The following EFHC2 variants were observed in gnomAD, a reference collection of about 807,000 sequenced individuals.
EFHC2 encodes the protein EF-hand domain-containing family member C2.
A neutral mutation model predicts 52.7 loss-of-function variants in EFHC2; 18 were observed. That is an observed-to-expected ratio of 0.34 (90% CI 0.24 to 0.51). EFHC2 has a LOEUF of 0.51. Among genes scored for constraint, EFHC2 ranks in the 20% least tolerant of loss-of-function variants. EFHC2 has a pLI of 0.97. For synonymous variants in EFHC2, 203 were observed against 204.1 expected, an observed-to-expected ratio of 0.99 and a Z score of 0.04; for missense variants, 513 against 562.5, an observed-to-expected ratio of 0.91 and a Z score of 0.89.
chrX:44,253,856 C>T (rs2037472325), intron 4 of EFHC2, among the ~76,000 whole-genome samples: 1 of 112,297 alleles, frequency 8.9e-6, no homozygotes, highest in African/African-American at 3.2e-5. Context: ...GTTGACACCT[C>T]TTAAAGGAGA....
At chrX:44,257,893 G>A (rs1321597760) in intron 4 of EFHC2, among the ~76,000 whole-genome samples, 1 of 111,967 alleles carries the variant, frequency 8.9e-6, no homozygotes, top group Admixed American at 9.5e-5. Flanking sequence ...TATACTACAA[G>A]TTTACAGTAA....
At chrX:44,177,733 A>T (rs898869554) in intron 12 of EFHC2, among the ~76,000 whole-genome samples, 1 of 111,488 alleles carries the variant, frequency 9.0e-6, no homozygotes, top group Admixed American at 9.6e-5. Context: ...TCTATTTATT[A>T]TAAAAGTTAC....
intron 1 of EFHC2, among the ~76,000 whole-genome samples, chrX:44,321,867 G>A (rs1395680437): frequency 1.8e-5 from 2 of 111,361 alleles, no homozygotes; most frequent in Non-Finnish European, 3.8e-5. Flanking sequence ...TGAGTTTCTA[G>A]TATTTATAAT....
At chrX:44,321,740 G>C (rs188833441) in intron 1 of EFHC2, among the ~76,000 whole-genome samples, 27 of 111,735 alleles carry the variant, frequency 2.4e-4, no homozygotes, top group African/African-American at 7.2e-4. Context: ...TGGCAACATG[G>C]AGGTGGCTGG....
At position 44,314,068 on chromosome X, in the gene EFHC2, G is replaced by A. The variant is rs191249412; in HGVS notation, c.43-1312C>T. 2.9e-4 allele frequency among the ~76,000 whole-genome samples: 33 copies of A among 111,966 alleles called. No individual in the cohort carries two copies. The East Asian group carries it at 8.2e-3, about 28-fold the overall frequency. On this transcript the variant is annotated intron_variant, in intron 1 of 14. Coordinates refer to ENST00000420999, the MANE Select transcript of EFHC2 (RefSeq NM_025184.4). Reference sequence around the variant, plus strand: ...ACATATGTAAAGCTGGAAAATACTCGAAAAATACGGTAATATTTATGGATA... The same window carrying A: ...ACATATGTAAAGCTGGAAAATACTCAAAAAATACGGTAATATTTATGGATA...
intron 11 of EFHC2, among the ~76,000 whole-genome samples, chrX:44,189,419 T>C (rs768686143): frequency 4.7e-4 from 53 of 112,265 alleles, no homozygotes; most frequent in African/African-American, 7.8e-4. Context: ...TCAGGATTCA[T>C]AGAATGATTA....
At chrX:44,293,142 A>G (rs1338354925) in intron 2 of EFHC2, among the ~76,000 whole-genome samples, 2 of 109,589 alleles carry the variant, frequency 1.8e-5, no homozygotes, top group Non-Finnish European at 3.8e-5. Context: ...ATGCCCAGCT[A>G]ATTTATACAC....
At chrX:44,312,788 A>G in intron 1 of EFHC2, 32 bp from the exon 2 acceptor site, 4 of 1,130,613 alleles carry the variant, frequency 3.5e-6, no homozygotes, top group Non-Finnish European at 4.7e-6. Flanking sequence ...TAAAATAGCC[A>G]AAGTTACTCT....
At position 44,164,202 on chromosome X, in the gene EFHC2, G is replaced by A. The variant is rs1220175125; in HGVS notation, c.2043-175C>T. ...ACCCTCCAGAATGTAAATTCTTTGAGCGGGGATCTTGCCTATCTAATTCAT... is the reference window on the plus strand; with the variant it reads ...ACCCTCCAGAATGTAAATTCTTTGAACGGGGATCTTGCCTATCTAATTCAT... On this transcript the variant is annotated intron_variant, in intron 13 of 14. Transcript: ENST00000420999. Among the ~76,000 whole-genome samples the A allele has an allele frequency of 3.6e-5, 4 of 111,732 alleles. No individual in the cohort carries two copies. The East Asian group carries it at 1.1e-3, about 31-fold the overall frequency.
At chrX:44,307,298 T>C (rs747542643) in intron 2 of EFHC2, among the ~76,000 whole-genome samples, 11 of 112,207 alleles carry the variant, frequency 9.8e-5, no homozygotes, top group Non-Finnish European at 1.7e-4. Flanking sequence ...ATGCTAGATA[T>C]ATTGCTAGGA....
At chrX:44,246,111 C>T (rs1023617188) in intron 7 of EFHC2, among the ~76,000 whole-genome samples, 2 of 112,011 alleles carry the variant, frequency 1.8e-5, no homozygotes, top group South Asian at 3.7e-4. Flanking sequence ...CAAAACATAA[C>T]GCATGTAATT....
intron 1 of EFHC2, among the ~76,000 whole-genome samples, chrX:44,317,048 T>A (rs1170872471): frequency 4.5e-5 from 5 of 112,038 alleles, no homozygotes; most frequent in African/African-American, 1.6e-4. Flanking sequence ...AAATGAAAAC[T>A]TAAGACAAAA....
intron 8 of EFHC2, among the ~76,000 whole-genome samples, chrX:44,240,218 G>C (rs1411941201): frequency 8.9e-6 from 1 of 112,200 alleles, no homozygotes; most frequent in Non-Finnish European, 1.9e-5. Context: ...GAATGTGCTA[G>C]TTACTATGGA....
chrX:44,312,638 T>A lies in EFHC2; in HGVS notation c.161A>T (p.Lys54Met). ...TTTAGGATATATGCTACATTTAGGC[T>A]TTATCTTTTGCCCCAGAAGTGGTTC... Reference protein sequence around the residue: ...GGEPLLGQKIKPKCSIYPKGD... With the variant: ...GGEPLLGQKIMPKCSIYPKGD... The change falls in exon 2 of 15, where the codon AAG becomes ATG. Residue 54 changes from lysine (K) to methionine (M), a missense_variant. Physicochemically the swap from Lys to Met is moderately conservative, Grantham distance 95. Transcript: ENST00000420999. 1 of 1,210,456 alleles carries A rather than the reference T, an allele frequency of 8.3e-7. No homozygotes were observed. Among genetic ancestry groups the A allele is most frequent in the Non-Finnish European group, 1.1e-6 (1 of 894,841 alleles).
chrX:44,301,512 G>A (rs1328163611), intron 2 of EFHC2, among the ~76,000 whole-genome samples: 2 of 112,066 alleles, frequency 1.8e-5, no homozygotes, highest in Admixed American at 1.9e-4. Flanking sequence ...CAGTTGGGCA[G>A]TTACAATGGC....
In EFHC2 at chrX:44,343,580, C is replaced by T. The variant is rs377594222; in HGVS notation, c.9G>A (p.Leu3=). The change falls in exon 1 of 15, where the codon CTG becomes CTA. Residue 3 remains leucine (L), a synonymous_variant. Transcript: ENST00000420999. ...TGAAGCTGTTGCCCGGCAGCAGAGG[C>T]AGGGCCATGGCGCTCAGTGTCCGAA... MA[L]PLLPGNSFNR... The T allele has an allele frequency of 1.0e-5, 12 of 1,194,697 alleles. No individual in the cohort carries two copies. The highest frequency in any genetic ancestry group is 1.4e-5 in the Non-Finnish European group (12 of 887,541).
intron 1 of EFHC2, among the ~76,000 whole-genome samples, chrX:44,326,437 G>T (rs1348883339): frequency 1.8e-5 from 2 of 110,909 alleles, no homozygotes; most frequent in Non-Finnish European, 3.8e-5. Context: ...TGATAAATAT[G>T]CCTGATTTGC....
chrX:44,245,562 C>T (rs983200860), intron 7 of EFHC2, among the ~76,000 whole-genome samples: 3 of 112,126 alleles, frequency 2.7e-5, no homozygotes, highest in African/African-American at 9.7e-5. Flanking sequence ...TACAGCCTGG[C>T]AGGCAAGCCA....
chrX:44,203,071 CT>C (rs1426899184), intron 11 of EFHC2, among the ~76,000 whole-genome samples: 3 of 111,718 alleles, frequency 2.7e-5, no homozygotes, highest in African/African-American at 9.8e-5. Flanking sequence ...TCCATTCCCC[CT>C]GAAAGTGAAT....
Sources: gnomAD v4.1 joint callset for allele counts (sites outside exome capture counted in the v4.1 genomes callset) on GRCh38, gnomAD v4.1.1 for gene constraint, MANE v1.5 for transcripts, NCBI Gene and HGNC (gene_info 2026-07-23, HGNC 2026-07-21) for gene names.